NRG3: variants seen among roughly 807,000 people sequenced by gnomAD.
NRG3 encodes neuregulin 3, also known as pro-neuregulin-3, membrane-bound isoform.
Under a neutral mutation model 66.9 loss-of-function variants are expected in NRG3, and 31 were observed. The observed-to-expected ratio is 0.46, with a 90% CI of 0.35 to 0.63. The LOEUF is 0.63. NRG3 is among the 20% of genes least tolerant of loss of function. NRG3 has a pLI of 0.00. For synonymous variants in NRG3, 393 were observed against 359.4 expected (o/e 1.09, Z -1.06); for missense variants, 910 against 878.9 (o/e 1.04, Z -0.45).
intron 2 of NRG3, among the ~76,000 whole-genome samples, chr10:82,377,962 T>C (rs1408791881): frequency 1.3e-5 from 2 of 152,328 alleles, no homozygotes; most frequent in East Asian, 3.9e-4. Context: ...CCATCATTTC[T>C]TTTACTAGGC....
intron 1 of NRG3, among the ~76,000 whole-genome samples, chr10:82,216,273 G>A (rs1041664066): frequency 6.6e-5 from 10 of 151,654 alleles, no homozygotes; most frequent in Non-Finnish European, 1.5e-4. Context: ...GAACCACTGC[G>A]CCTGGCCTTT....
chr10:81,916,854 T>C (rs1382594278), intron 1 of NRG3, among the ~76,000 whole-genome samples: 1 of 152,182 alleles, frequency 6.6e-6, no homozygotes, highest in Non-Finnish European at 1.5e-5. Context: ...AATGTTTGAA[T>C]ACATTTTCAA....
chr10:82,334,141 A>AC (rs1230691951), intron 1 of NRG3, among the ~76,000 whole-genome samples: 8 of 148,810 alleles, frequency 5.4e-5, no homozygotes, highest in Admixed American at 2.0e-4. Context: ...CGTCTCAAAA[A>AC]AAAAAAAAAA....
chr10:82,485,499 T>A lies in NRG3; in HGVS notation c.953+126631T>A, dbSNP rs190743530. On this transcript the variant is annotated intron_variant, in intron 2 of 8. Transcript: ENST00000372141. ...AAGCATATTTGCAGAGTAGTAGGAT[T>A]TTCGAAGGGTAATCTAATCAGAAAT... Among the ~76,000 whole-genome samples the A allele has an allele frequency of 5.4e-5, 8 of 149,176 alleles. No homozygotes were observed. The East Asian group carries it at 1.6e-3, about 29-fold the overall frequency.
intron 2 of NRG3, among the ~76,000 whole-genome samples, chr10:82,471,553 T>G (rs1375232751): frequency 6.6e-6 from 1 of 152,216 alleles, no homozygotes; most frequent in East Asian, 1.9e-4. Flanking sequence ...AGGCTTACTT[T>G]TTCTCAAAGA....
intron 2 of NRG3, among the ~76,000 whole-genome samples, chr10:82,440,531 T>A (rs376111495): frequency 3.9e-5 from 6 of 152,138 alleles, no homozygotes; most frequent in African/African-American, 1.4e-4. Flanking sequence ...TGAAACTTGA[T>A]TGTTAATGTA....
At chr10:82,352,011 C>G (rs890370685) in intron 1 of NRG3, among the ~76,000 whole-genome samples, 21 of 152,168 alleles carry the variant, frequency 1.4e-4, no homozygotes, top group African/African-American at 5.1e-4. Context: ...TTCAAACTCC[C>G]AGGGAGGCTG....
chr10:82,216,617 T>G (rs987380538), intron 1 of NRG3, among the ~76,000 whole-genome samples: 19 of 150,936 alleles, frequency 1.3e-4, no homozygotes, highest in African/African-American at 1.9e-4. Flanking sequence ...TAGATATATA[T>G]ATATATATAC....
intron 1 of NRG3, among the ~76,000 whole-genome samples, chr10:82,053,965 T>TCC (rs2133162196): frequency 6.6e-6 from 1 of 152,290 alleles, no homozygotes; most frequent in South Asian, 2.1e-4. Flanking sequence ...ATGTCTGATA[T>TCC]CTTTAGGGAA....
intron 1 of NRG3, among the ~76,000 whole-genome samples, chr10:82,093,046 G>A (rs1386580535): frequency 6.6e-6 from 1 of 152,168 alleles, no homozygotes; most frequent in Non-Finnish European, 1.5e-5. Flanking sequence ...GTGAGATAAA[G>A]CCTTAGACTC....
intron 3 of NRG3, among the ~76,000 whole-genome samples, chr10:82,860,099 G>C (rs1167041916): frequency 6.6e-6 from 1 of 152,146 alleles, no homozygotes; most frequent in Middle Eastern, 3.2e-3. Flanking sequence ...TTTGCTTGCT[G>C]TATGTGCAAG....
intron 1 of NRG3, among the ~76,000 whole-genome samples, chr10:82,200,915 G>A (rs992458148): frequency 6.6e-5 from 10 of 151,956 alleles, no homozygotes; most frequent in Admixed American, 5.9e-4. Flanking sequence ...AGAGACAGCT[G>A]GGCCGGGCAC....
intron 2 of NRG3, among the ~76,000 whole-genome samples, chr10:82,692,885 C>A (rs1315075361): frequency 2.0e-5 from 3 of 152,150 alleles, no homozygotes; most frequent in African/African-American, 7.2e-5. Flanking sequence ...ATTTTTGAGA[C>A]TGTGAGGCAG....
At chr10:82,473,568 C>T (rs1348957319) in intron 2 of NRG3, among the ~76,000 whole-genome samples, 1 of 152,118 alleles carries the variant, frequency 6.6e-6, no homozygotes, top group East Asian at 1.9e-4. Context: ...CAAATAAACA[C>T]CCAATCATGG....
intron 1 of NRG3, among the ~76,000 whole-genome samples, chr10:81,951,763 C>A (rs1472253699): frequency 1.3e-5 from 2 of 152,176 alleles, no homozygotes; most frequent in East Asian, 3.9e-4. Context: ...TCAGCAATCC[C>A]ATTACTGGGT....
chr10:82,195,514 T>TC (rs1274407326), intron 1 of NRG3, among the ~76,000 whole-genome samples: 1 of 151,818 alleles, frequency 6.6e-6, no homozygotes. Flanking sequence ...TCGAACAAGC[T>TC]CCCCCCACCA....
intron 2 of NRG3, among the ~76,000 whole-genome samples, chr10:82,445,803 G>A (rs2090691700): frequency 6.6e-6 from 1 of 152,090 alleles, no homozygotes; most frequent in Non-Finnish European, 1.5e-5. Context: ...TTCTCCAGAA[G>A]GCCACCAGCC....
At chr10:82,496,973 G>T (rs189032645) in intron 2 of NRG3, among the ~76,000 whole-genome samples, 46 of 152,178 alleles carry the variant, frequency 3.0e-4, no homozygotes, top group Admixed American at 2.6e-3. Flanking sequence ...AATTAACTTT[G>T]ATTTTTTTCC....
At chr10:82,573,529 G>A (rs541924535) in intron 2 of NRG3, among the ~76,000 whole-genome samples, 10 of 151,750 alleles carry the variant, frequency 6.6e-5, no homozygotes, top group South Asian at 2.1e-4. Context: ...AAACCTCTCC[G>A]CATAGTATGT....
Sources: gnomAD v4.1 joint callset for allele counts (sites outside exome capture counted in the v4.1 genomes callset) on GRCh38, gnomAD v4.1.1 for gene constraint, MANE v1.5 for transcripts, NCBI Gene and HGNC (gene_info 2026-07-23, HGNC 2026-07-21) for gene names.